Variants in MATCAP2 observed in about 807,000 individuals in gnomAD.
The protein encoded by MATCAP2 is microtubule associated tyrosine carboxypeptidase 2, also known as putative tyrosine carboxypeptidase MATCAP2.
At chr7:36,338,387 T>G in the MATCAP2 span, among the ~76,000 whole-genome samples, 1 of 152,142 alleles carries the variant, frequency 6.6e-6, no homozygotes, top group African/African-American at 2.4e-5. Flanking sequence ...AGACTCAACC[T>G]CCTGGCCTCA....
At chr7:36,364,323 G>A in the MATCAP2 span, among the ~76,000 whole-genome samples, 1 of 152,014 alleles carries the variant, frequency 6.6e-6, no homozygotes, top group Non-Finnish European at 1.5e-5. Flanking sequence ...CCTGAGCTCA[G>A]GTAATCCGCC....
At chr7:36,359,299 A>G in the MATCAP2 span, among the ~76,000 whole-genome samples, 2 of 152,216 alleles carry the variant, frequency 1.3e-5, no homozygotes, top group Non-Finnish European at 2.9e-5. Flanking sequence ...GCTGCTAAAC[A>G]TCCTTCACTG....
At chr7:36,345,443 A>G in the MATCAP2 span, among the ~76,000 whole-genome samples, 2 of 150,628 alleles carry the variant, frequency 1.3e-5, no homozygotes, top group Non-Finnish European at 3.0e-5. Flanking sequence ...ATCTAGAGCA[A>G]AGAGGAAATA....
the MATCAP2 span, among the ~76,000 whole-genome samples, chr7:36,331,483 G>A: frequency 6.6e-6 from 1 of 152,170 alleles, no homozygotes; most frequent in East Asian, 1.9e-4. Context: ...TAGTTTTAGA[G>A]CAGGTACATC....
the MATCAP2 span, chr7:36,331,149 C>A: frequency 2.3e-6 from 2 of 876,200 alleles, no homozygotes; most frequent in Admixed American, 1.8e-5. Context: ...CAACCCATTC[C>A]ATTTACTGTA....
At chr7:36,353,029 C>T in the MATCAP2 span, among the ~76,000 whole-genome samples, 1 of 152,020 alleles carries the variant, frequency 6.6e-6, no homozygotes, top group Non-Finnish European at 1.5e-5. Flanking sequence ...AATCTTAGCA[C>T]TTTGGGAGGC....
At chr7:36,333,966 AT>A in the MATCAP2 span, 1 of 1,614,132 alleles carries the variant, frequency 6.2e-7, no homozygotes, top group Non-Finnish European at 8.5e-7. Context: ...ACAAAAAGAC[AT>A]TTGGCTGGCT....
chr7:36,332,547 A>C, the MATCAP2 span, among the ~76,000 whole-genome samples: 1 of 152,202 alleles, frequency 6.6e-6, no homozygotes, highest in Non-Finnish European at 1.5e-5. Flanking sequence ...TTACAACACT[A>C]GTATGAAATG....
At chr7:36,333,883 T>C in the MATCAP2 span, 1 of 1,613,562 alleles carries the variant, frequency 6.2e-7, no homozygotes, top group South Asian at 1.1e-5. Context: ...GTCCATCCCC[T>C]CTTGGCCCGT....
At chr7:36,345,807 C>A in the MATCAP2 span, among the ~76,000 whole-genome samples, 1 of 152,062 alleles carries the variant, frequency 6.6e-6, no homozygotes, top group Non-Finnish European at 1.5e-5. Flanking sequence ...GCAATGGGAT[C>A]TTAGATATGA....
chr7:36,342,787 T>C, the MATCAP2 span, among the ~76,000 whole-genome samples: 1 of 152,146 alleles, frequency 6.6e-6, no homozygotes, highest in Non-Finnish European at 1.5e-5. Context: ...GCCACGCCCA[T>C]CTAATTTTTT....
the MATCAP2 span, among the ~76,000 whole-genome samples, chr7:36,381,075 C>G: frequency 6.6e-6 from 1 of 152,106 alleles, no homozygotes; most frequent in Non-Finnish European, 1.5e-5. Flanking sequence ...CTGGGTATAG[C>G]TATAAAGCTC....
At chr7:36,351,626 A>G in the MATCAP2 span, among the ~76,000 whole-genome samples, 1 of 152,092 alleles carries the variant, frequency 6.6e-6, no homozygotes, top group East Asian at 1.9e-4. Flanking sequence ...ACAGCACAGA[A>G]CTATTAACTT....
chr7:36,363,687 T>C, the MATCAP2 span, among the ~76,000 whole-genome samples: 2 of 152,206 alleles, frequency 1.3e-5, no homozygotes, highest in African/African-American at 2.4e-5. Flanking sequence ...CTTGGCTCTG[T>C]TTATTAATAG....
At chr7:36,335,097 C>T in the MATCAP2 span, 1 of 1,613,994 alleles carries the variant, frequency 6.2e-7, no homozygotes, top group Non-Finnish European at 8.5e-7. Flanking sequence ...GCAGTGGACA[C>T]ATTGATAGTC....
At chr7:36,371,589 A>G in the MATCAP2 span, among the ~76,000 whole-genome samples, 5 of 152,196 alleles carry the variant, frequency 3.3e-5, no homozygotes, top group African/African-American at 1.2e-4. Context: ...TGAAAAAAAG[A>G]TCAACATCCT....
At chr7:36,360,038 T>C in the MATCAP2 span, among the ~76,000 whole-genome samples, 3 of 152,230 alleles carry the variant, frequency 2.0e-5, no homozygotes, top group East Asian at 5.8e-4. Context: ...GTTTTCTCAG[T>C]TGATCTTCGT....
chr7:36,331,784 GTGTAATT>G, the MATCAP2 span, among the ~76,000 whole-genome samples: 1 of 152,084 alleles, frequency 6.6e-6, no homozygotes, highest in South Asian at 2.1e-4. Context: ...GACATAATTT[GTGTAATT>G]TTTAAAAAAA....
the MATCAP2 span, among the ~76,000 whole-genome samples, chr7:36,362,879 G>A: frequency 6.6e-6 from 1 of 152,062 alleles, no homozygotes; most frequent in Non-Finnish European, 1.5e-5. Context: ...ATAACACCTT[G>A]TATCTCTTCT....
Sources: gnomAD v4.1 joint callset for allele counts (sites outside exome capture counted in the v4.1 genomes callset) on GRCh38, gnomAD v4.1.1 for gene constraint, MANE v1.5 for transcripts, NCBI Gene and HGNC (gene_info 2026-07-23, HGNC 2026-07-21) for gene names.